The following RSPO2 variants were observed in gnomAD, a reference collection of about 807,000 sequenced individuals.
RSPO2 encodes R-spondin-2.
Under a neutral mutation model 30.9 loss-of-function variants are expected in RSPO2, and 14 were observed. That is an observed-to-expected ratio of 0.45 (90% CI 0.30 to 0.71). The LOEUF is 0.71. RSPO2 is among the 30% of genes least tolerant of loss of function. The pLI, the probability that RSPO2 is intolerant of heterozygous loss-of-function variation, is 0.08. For synonymous variants in RSPO2, 107 were observed against 96.4 expected (o/e 1.11, Z -0.64); for missense variants, 264 against 301.9 (o/e 0.87, Z 0.93).
chr8:107,940,437 T>C (rs970432051), intron 5 of RSPO2, among the ~76,000 whole-genome samples: 3 of 152,144 alleles, frequency 2.0e-5, no homozygotes, highest in African/African-American at 4.8e-5. Flanking sequence ...TATATTTTTA[T>C]TGCATGTTTT....
intron 2 of RSPO2, among the ~76,000 whole-genome samples, chr8:108,048,647 G>GT (rs1272038850): frequency 2.6e-5 from 4 of 152,118 alleles, no homozygotes; most frequent in South Asian, 4.2e-4. Context: ...TTTTTGAAGG[G>GT]TTTTTTGTGT....
At chr8:107,985,162 G>A (rs1814581276) in intron 3 of RSPO2, among the ~76,000 whole-genome samples, 1 of 152,098 alleles carries the variant, frequency 6.6e-6, no homozygotes, top group South Asian at 2.1e-4. Context: ...TTTTATACTT[G>A]TTATTAATAG....
At chr8:108,052,727 T>G (rs536512333) in intron 2 of RSPO2, among the ~76,000 whole-genome samples, 2 of 152,224 alleles carry the variant, frequency 1.3e-5, no homozygotes, top group East Asian at 3.9e-4. Flanking sequence ...TAACTACTAT[T>G]ATTCCCATTT....
At chr8:107,982,009 CAAAAAAAAAAAAA>C (rs372977834) in intron 3 of RSPO2, among the ~76,000 whole-genome samples, 4 of 55,376 alleles carry the variant, frequency 7.2e-5, no homozygotes, top group South Asian at 2.2e-3. Flanking sequence ...ACAACAACAA[CAAAAAAAAAAAAA>C]AAAAAAAAAA....
intron 5 of RSPO2, among the ~76,000 whole-genome samples, chr8:107,904,495 A>C (rs999302295): frequency 2.0e-5 from 3 of 152,070 alleles, no homozygotes; most frequent in Non-Finnish European, 2.9e-5. Flanking sequence ...TAACTAAGGG[A>C]ATCTCTTCAA....
intron 2 of RSPO2, among the ~76,000 whole-genome samples, chr8:108,011,544 T>G (rs1183383013): frequency 6.6e-6 from 1 of 152,236 alleles, no homozygotes; most frequent in Non-Finnish European, 1.5e-5. Context: ...TAAAGAAGAA[T>G]AATTTGGCTT....
chr8:107,930,791 T>C (rs904566254), intron 5 of RSPO2, among the ~76,000 whole-genome samples: 18 of 152,148 alleles, frequency 1.2e-4, no homozygotes, highest in Non-Finnish European at 4.4e-5. Flanking sequence ...CACCACCAGA[T>C]CAACAGCAGA....
At chr8:107,980,226 A>AT (rs530608342) in intron 3 of RSPO2, among the ~76,000 whole-genome samples, 423 of 148,872 alleles carry the variant, frequency 2.8e-3, no homozygotes, top group African/African-American at 8.2e-3. Flanking sequence ...ATTCCATTCC[A>AT]TTTTTTTTTT....
intron 2 of RSPO2, among the ~76,000 whole-genome samples, chr8:108,054,260 C>T (rs1392150239): frequency 6.6e-6 from 1 of 152,084 alleles, no homozygotes; most frequent in Non-Finnish European, 1.5e-5. Flanking sequence ...ACAAAACTTC[C>T]TTTCTTGCTC....
At chr8:108,082,995 T>A in intron 1 of RSPO2, 188 bp from the exon 2 acceptor site, 1 of 243,534 alleles carries the variant, frequency 4.1e-6, no homozygotes, top group Non-Finnish European at 7.8e-6. Context: ...GGAAGGTGAT[T>A]ATAATCAGTG....
chr8:108,022,960 C>G (rs1014472892), intron 2 of RSPO2, among the ~76,000 whole-genome samples: 2 of 148,018 alleles, frequency 1.4e-5, no homozygotes, highest in Non-Finnish European at 3.0e-5. Flanking sequence ...CACACACTCA[C>G]AGTAGTTGCA....
intron 4 of RSPO2, among the ~76,000 whole-genome samples, chr8:107,959,385 CAGGGGAGG>C (rs1813546555): frequency 2.0e-5 from 3 of 152,170 alleles, no homozygotes; most frequent in Non-Finnish European, 4.4e-5. Flanking sequence ...CCCCAACTCC[CAGGGGAGG>C]GAGAGGAGGA....
At position 108,063,760 on chromosome 8, in the gene RSPO2, G is replaced by A. The variant is rs368652071; in HGVS notation, c.94+18785C>T. On this transcript the variant is annotated intron_variant, in intron 2 of 5. Coordinates refer to ENST00000276659, the MANE Select transcript of RSPO2 (RefSeq NM_178565.5). ...AAAAGAACAAAGCTGGAGGCATCAC[G>A]CTACCTGACTTCAAACTATACTACA... is the stretch of plus-strand genomic sequence containing the variant. Among the ~76,000 whole-genome samples, 498 of 150,858 alleles carry A rather than the reference G, an allele frequency of 3.3e-3. 6 individuals are homozygous for A. The highest frequency in any genetic ancestry group is 0.011 in the African/African-American group (451 of 40,274).
In RSPO2 at chr8:107,989,225, G is replaced by A. The variant is rs1182707413; in HGVS notation, c.114C>T (p.Pro38=). The stretch of plus-strand genomic sequence containing the variant: ...AACAAGACAAACAACCCTTGCAAAT[G>A]GGATTTGATACATAACTAGCTGTAA... ...RSKRASYVSN[P]ICKGCLSCSK... is the part of the protein sequence containing the mutation. Residue 38 remains proline (P), a synonymous_variant, in exon 3 of 6, where the codon CCC becomes CCT. Coordinates refer to ENST00000276659, the MANE Select transcript of RSPO2 (RefSeq NM_178565.5). 6.4e-7 allele frequency: 1 copy of A among 1,569,544 alleles called. No homozygotes were observed.
At chr8:108,024,612 G>A (rs768612593) in intron 2 of RSPO2, among the ~76,000 whole-genome samples, 2 of 152,146 alleles carry the variant, frequency 1.3e-5, no homozygotes, top group Non-Finnish European at 2.9e-5. Flanking sequence ...AGAGTGACAG[G>A]CAAATGTGAA....
intron 5 of RSPO2, among the ~76,000 whole-genome samples, chr8:107,936,883 T>A (rs1452699785): frequency 6.6e-6 from 1 of 152,166 alleles, no homozygotes; most frequent in Non-Finnish European, 1.5e-5. Flanking sequence ...TTGCATATTC[T>A]GGATATTCGT....
At chr8:107,946,285 G>T (rs1563533078) in intron 5 of RSPO2, among the ~76,000 whole-genome samples, 1 of 152,214 alleles carries the variant, frequency 6.6e-6, no homozygotes, top group Non-Finnish European at 1.5e-5. Flanking sequence ...ATACATTTTA[G>T]GTGGTTGGGC....
At chr8:107,928,447 AAGAC>A (rs1191143546) in intron 5 of RSPO2, among the ~76,000 whole-genome samples, 12 of 152,212 alleles carry the variant, frequency 7.9e-5, no homozygotes, top group African/African-American at 2.9e-4. Flanking sequence ...TTACACTGTA[AAGAC>A]TTCTCCAACA....
At chr8:108,071,516 T>C (rs1484715497) in intron 2 of RSPO2, among the ~76,000 whole-genome samples, 1 of 152,192 alleles carries the variant, frequency 6.6e-6, no homozygotes, top group Non-Finnish European at 1.5e-5. Context: ...TGCACTATGC[T>C]GGGTGAAGGA....
Sources: gnomAD v4.1 joint callset for allele counts (sites outside exome capture counted in the v4.1 genomes callset) on GRCh38, gnomAD v4.1.1 for gene constraint, MANE v1.5 for transcripts, NCBI Gene and HGNC (gene_info 2026-07-23, HGNC 2026-07-21) for gene names.